The following PLCG1 variants were observed in gnomAD, a reference collection of about 807,000 sequenced individuals.
The protein encoded by PLCG1 is 1-phosphatidylinositol 4,5-bisphosphate phosphodiesterase gamma-1.
A neutral mutation model predicts 177.8 loss-of-function variants in PLCG1; 71 were observed. That is an observed-to-expected ratio of 0.40 (90% CI 0.33 to 0.49). PLCG1 has a LOEUF of 0.49. Ranked by LOEUF, PLCG1 falls within the 20% of genes least tolerant of loss-of-function variation. The pLI is 0.72. For missense variants in PLCG1, 1,281 were observed against 1,709.0 expected (o/e 0.75, Z 4.42); for synonymous variants, 658 against 647.9 (o/e 1.02, Z -0.24).
In PLCG1 at chr20:41,163,791, A is replaced by G. The variant is rs764219786; in HGVS notation, c.968A>G (p.Asn323Ser). The G allele has an allele frequency of 6.2e-6, 10 of 1,613,982 alleles. No individual in the cohort carries two copies. The South Asian group carries it at 1.1e-4, about 18-fold the overall frequency. ...GATGCAGTATGCCCGGACACCATGA[A>G]CAACCCTCTTTCCCACTACTGGATC... is the stretch of plus-strand genomic sequence containing the variant. ...QLDAVCPDTMNNPLSHYWISS... is the reference protein window; with the variant it reads ...QLDAVCPDTMSNPLSHYWISS... Residue 323 changes from asparagine (N) to serine (S), a missense_variant, in exon 10 of 32, where the codon AAC becomes AGC. Asn to Ser is a conservative substitution (Grantham distance 46). Around this residue, in one of 4 missense-constraint regions of PLCG1, gnomAD observed 374 missense variants for 443.8 expected, o/e 0.84. Coordinates refer to ENST00000685551, the MANE Select transcript of PLCG1 (RefSeq NM_002660.3). The surrounding 1 kb of genome is among the most constrained non-coding windows in gnomAD (Gnocchi z 5.2).
chr20:41,151,122 T>G lies in PLCG1; in HGVS notation c.218-8484T>G, dbSNP rs2035153966. Among the ~76,000 whole-genome samples, 1 of 152,220 alleles carries G rather than the reference T, an allele frequency of 6.6e-6. No individual in the cohort carries two copies. The highest frequency in any genetic ancestry group is 1.5e-5 in the Non-Finnish European group (1 of 68,038). The stretch of plus-strand genomic sequence containing the variant: ...GGGACCTCCTTTCCCTTCCTTCCTT[T>G]GGATTCTGTTCTTACCTCTGAAATA... On this transcript the variant is annotated intron_variant, in intron 1 of 31. Transcript: ENST00000685551. The surrounding 1 kb of genome is among the most constrained non-coding windows in gnomAD (Gnocchi z 5.5).
chr20:41,173,764 C>T lies in PLCG1; in HGVS notation c.3507C>T (p.Asp1169=). The T allele has an allele frequency of 6.2e-7, 1 of 1,614,128 alleles. No homozygotes were observed. The highest frequency in any genetic ancestry group is 1.7e-4 in the Middle Eastern group (1 of 6,060). The part of the protein sequence containing the change: ...FVVYEEDMFS[D]QNFLAQATFP... ...TGTATGAGGAAGACATGTTTAGTGA[C>T]CAGAATTTCCTGGCTCAGGCTACTT... Residue 1169 remains aspartate, a synonymous_variant, in exon 29 of 32, where the codon GAC becomes GAT. Coordinates refer to ENST00000685551, the MANE Select transcript of PLCG1 (RefSeq NM_002660.3). The surrounding 1 kb of genome is among the most constrained non-coding windows in gnomAD (Gnocchi z 6.2).
In PLCG1 at chr20:41,167,565, C is replaced by G. The variant is rs1220098585; in HGVS notation, c.2302-287C>G. 1.2e-5 allele frequency: 5 copies of G among 433,570 alleles called. No homozygotes were observed. The highest frequency in any genetic ancestry group is 2.0e-5 in the African/African-American group (1 of 50,000). 26.9% of individuals were successfully genotyped at this position (433,570 alleles called of 1,614,324 possible). A position where few individuals can be genotyped will look rare whatever the true frequency, so the allele number is the denominator to read the frequency against. On this transcript the variant is annotated intron_variant, in intron 19 of 31. Transcript: ENST00000685551. The surrounding 1 kb of genome is among the most constrained non-coding windows in gnomAD (Gnocchi z 4.4). The stretch of plus-strand genomic sequence containing the variant: ...CTGAATATGGGTAGTCTGTGAAGGG[C>G]CCACCTGCACATAGCTCAGAAATAC...
Position 41,169,579 on chromosome 20 carries a change from T to A in PLCG1, c.2650+53T>A, listed in dbSNP as rs575041281. ...ACTGTTCCCTAGGGTGAGATTCTTC[T>A]TTGTATCTCTTTCCTGCTCCTAGGG... On this transcript the variant is annotated intron_variant, in intron 23 of 31. Coordinates refer to ENST00000685551, the MANE Select transcript of PLCG1 (RefSeq NM_002660.3). 6 of 1,352,540 alleles carry A rather than the reference T, an allele frequency of 4.4e-6. No individual in the cohort carries two copies. In the East Asian group the frequency reaches 1.4e-4, roughly 31 times the overall value. The allele number at this position is 1,352,540 out of a possible 1,614,324, so 83.8% of individuals were successfully genotyped here.
In PLCG1 at chr20:41,166,053, TGCCCACACCTGAGCTCCTCAGGAGA is replaced by T; in HGVS notation, c.1800-140_1800-116del. 12 of 627,870 alleles carry T rather than the reference TGCCCACACCTGAGCTCCTCAGGAGA, an allele frequency of 1.9e-5. No individual in the cohort carries two copies. Among genetic ancestry groups the T allele is most frequent in the Admixed American group, 3.0e-5 (1 of 32,808 alleles). 38.9% of individuals were successfully genotyped at this position (627,870 alleles called of 1,614,324 possible). ...AGCCCACACCTTTGGTTCATGTGAC[TGCCCACACCTGAGCTCCTCAGGAGA>T]TTGGCCTCCCTCCTTGAGGCTCCCT... is the stretch of plus-strand genomic sequence containing the variant. On this transcript the variant is annotated intron_variant, in intron 16 of 31. Transcript: ENST00000685551. The surrounding 1 kb of genome is among the most constrained non-coding windows in gnomAD (Gnocchi z 8.6).
At position 41,137,661 on chromosome 20, in the gene PLCG1, C is replaced by G. The variant is rs1370900408; in HGVS notation, c.20C>G (p.Pro7Arg). MAGAAS[P>R]CANGCGPGAP... ...GGAGCCATGGCGGGCGCCGCGTCCC[C>G]TTGCGCCAACGGCTGCGGGCCCGGC... Residue 7 changes from proline (P) to arginine (R), a missense_variant, in exon 1 of 32, where the codon CCT (proline) becomes CGT (arginine). By Grantham distance (103) the Pro-to-Arg change is moderately radical. This residue lies in a region of PLCG1 where 374 missense variants were observed against 443.8 expected (regional missense o/e 0.84). Transcript: ENST00000685551. This position sits in a 1 kb window ranked among gnomAD's most constrained non-coding sequence, Gnocchi z 7.3. 22 of 1,321,200 alleles carry G rather than the reference C, an allele frequency of 1.7e-5. No individual in the cohort carries two copies. The highest frequency in any genetic ancestry group is 1.9e-5 in the Non-Finnish European group (20 of 1,035,490). The allele number at this position is 1,321,200 out of a possible 1,614,324, so 81.8% of individuals were successfully genotyped here. A position where few individuals can be genotyped will look rare whatever the true frequency, so the allele number is the denominator to read the frequency against.
chr20:41,174,535 A>G lies in PLCG1; in HGVS notation c.*26A>G, dbSNP rs747042924. 2.9e-5 allele frequency: 46 copies of G among 1,571,468 alleles called. No homozygotes were observed. Among genetic ancestry groups the G allele is most frequent in the Non-Finnish European group, 3.8e-5 (44 of 1,157,008 alleles). On this transcript the variant is annotated 3_prime_UTR_variant, in exon 32 of 32. Coordinates refer to ENST00000685551, the MANE Select transcript of PLCG1 (RefSeq NM_002660.3). The surrounding 1 kb of genome is among the most constrained non-coding windows in gnomAD (Gnocchi z 5.8). ...TTGTACCCCAGCCTCGTTGGAGAGCAGCAGGTGCTGTGCGCCTTGTAGAAT... is the reference window on the plus strand; with the variant it reads ...TTGTACCCCAGCCTCGTTGGAGAGCGGCAGGTGCTGTGCGCCTTGTAGAAT...
At position 41,160,264 on chromosome 20, in the gene PLCG1, G is replaced by T. The variant is rs2035454187; in HGVS notation, c.512+111G>T. 1 of 948,396 alleles carries T rather than the reference G, an allele frequency of 1.1e-6. No individual in the cohort carries two copies. Among genetic ancestry groups the T allele is most frequent in the Non-Finnish European group, 1.7e-6 (1 of 592,760 alleles). 58.7% of individuals were successfully genotyped at this position (948,396 alleles called of 1,614,324 possible). A position where few individuals can be genotyped will look rare whatever the true frequency, so the allele number is the denominator to read the frequency against. On this transcript the variant is annotated intron_variant, in intron 4 of 31. Coordinates refer to ENST00000685551, the MANE Select transcript of PLCG1 (RefSeq NM_002660.3). This position sits in a 1 kb window ranked among gnomAD's most constrained non-coding sequence, Gnocchi z 5.5. ...AGCCAGAGGACCCAGGGGACCTTAA[G>T]TGGGGCCAGGAGGGTGGGCAGAAGG...
Position 41,172,787 on chromosome 20 carries a change from G to A in PLCG1, c.3189G>A (p.Val1063=), listed in dbSNP as rs375329950. 7.4e-6 allele frequency: 12 copies of A among 1,614,056 alleles called. No homozygotes were observed. Among genetic ancestry groups the A allele is most frequent in the Non-Finnish European group, 8.5e-6 (10 of 1,180,036 alleles). ...TGACGGGCAGGCACTGTGGCTACGT[G>A]CTGCAGCCAAGCACCATGCGGGATG... ...LFMTGRHCGY[V]LQPSTMRDEA... The change falls in exon 27 of 32, where the codon GTG becomes GTA. Residue 1063 remains valine, a synonymous_variant. Coordinates refer to ENST00000685551, the MANE Select transcript of PLCG1 (RefSeq NM_002660.3). The surrounding 1 kb of genome is among the most constrained non-coding windows in gnomAD (Gnocchi z 7.0).
Position 41,172,453 on chromosome 20 carries a change from A to G in PLCG1, c.2938A>G (p.Met980Val). 1 of 1,614,166 alleles carries G rather than the reference A, an allele frequency of 6.2e-7. No homozygotes were observed. The highest frequency in any genetic ancestry group is 8.5e-7 in the Non-Finnish European group (1 of 1,180,008). Residue 980 changes from methionine (M) to valine (V), a missense_variant, in exon 26 of 32, where the codon ATG becomes GTG. Physicochemically the swap from Met to Val is conservative, Grantham distance 21 (BLOSUM62 1). Coordinates refer to ENST00000685551, the MANE Select transcript of PLCG1 (RefSeq NM_002660.3). This position sits in a 1 kb window ranked among gnomAD's most constrained non-coding sequence, Gnocchi z 7.0. ...CACAGAACGTGCTTGCTACCGGGAC[A>G]TGTCATCCTTCCCGGAAACCAAGGC... ...IGTERACYRDMSSFPETKAEK... is the reference protein window; with the variant it reads ...IGTERACYRDVSSFPETKAEK...
chr20:41,159,679 A>T lies in PLCG1; in HGVS notation c.291A>T (p.Pro97=), dbSNP rs1225696774. 9.9e-6 allele frequency: 16 copies of T among 1,614,278 alleles called. No homozygotes were observed. Among genetic ancestry groups the T allele is most frequent in the Non-Finnish European group, 1.2e-5 (14 of 1,180,056 alleles). The change falls in exon 2 of 32, where the codon CCA becomes CCT. Residue 97 remains proline (P), a synonymous_variant. Coordinates refer to ENST00000685551, the MANE Select transcript of PLCG1 (RefSeq NM_002660.3). The surrounding 1 kb of genome is among the most constrained non-coding windows in gnomAD (Gnocchi z 6.0). ...ACTTTGATCGCTATCAAGAGGACCC[A>T]GCTTTCCGGCCGGACCAGTCACATT... is the stretch of plus-strand genomic sequence containing the variant. ...SRDFDRYQED[P]AFRPDQSHCF...
chr20:41,170,404 C>A, intron 24 of PLCG1, 135 bp downstream of exon 24: 1 of 806,704 alleles, frequency 1.2e-6, no homozygotes, highest in Non-Finnish European at 2.0e-6. Flanking sequence ...ACAGCCCCTG[C>A]CTTAGCTAGG....
Position 41,174,335 on chromosome 20 carries a change from G to C in PLCG1, c.3833+24G>C. The C allele has an allele frequency of 6.2e-7, 1 of 1,609,344 alleles. No individual in the cohort carries two copies. Among genetic ancestry groups the C allele is most frequent in the Non-Finnish European group, 8.5e-7 (1 of 1,175,840 alleles). On this transcript the variant is annotated intron_variant, in intron 31 of 31. Coordinates refer to ENST00000685551, the MANE Select transcript of PLCG1 (RefSeq NM_002660.3). The surrounding 1 kb of genome is among the most constrained non-coding windows in gnomAD (Gnocchi z 5.8). ...AGGTGAGGAAGATGGAGGGGTGCTA[G>C]AGCCAGGAAGGCAGTGGCTAGGTCC... is the stretch of plus-strand genomic sequence containing the variant.
chr20:41,172,100 C>T lies in PLCG1; in HGVS notation c.2809-93C>T. 1 of 908,702 alleles carries T rather than the reference C, an allele frequency of 1.1e-6. No homozygotes were observed. The highest frequency in any genetic ancestry group is 1.3e-5 in the South Asian group (1 of 76,730). 56.3% of individuals were successfully genotyped at this position (908,702 alleles called of 1,614,324 possible). On this transcript the variant is annotated intron_variant, in intron 24 of 31. Coordinates refer to ENST00000685551, the MANE Select transcript of PLCG1 (RefSeq NM_002660.3). The surrounding 1 kb of genome is among the most constrained non-coding windows in gnomAD (Gnocchi z 7.0). ...GAAGGTGGGAGAGGGGCCCAGAGCA[C>T]CTGCAGTGTGGGCATGCCCAAGGTT...
In PLCG1 at chr20:41,167,089, T is replaced by C. The variant is rs558171770; in HGVS notation, c.2301+230T>C. Among the ~76,000 whole-genome samples, 151 of 152,212 alleles carry C rather than the reference T, an allele frequency of 9.9e-4. 1 individual carries two copies. The highest frequency in any genetic ancestry group is 3.3e-3 in the African/African-American group (137 of 41,532). ...GACAGGCACATAAGCAGAGGGTTCC[T>C]CATGAGTCAAGATGTGGAGTGAGGA... On this transcript the variant is annotated intron_variant, in intron 19 of 31. Transcript: ENST00000685551. This position sits in a 1 kb window ranked among gnomAD's most constrained non-coding sequence, Gnocchi z 4.4.
rs185075921 is a variant in PLCG1, at chr20:41,167,687, G to A, written c.2302-165G>A. Reference sequence around the variant, plus strand: ...AGAAAGGAAAGGGAACAGTGAGGCCGGGCCTGAGGCCTCTGAAGCCGTCTC... The same window carrying A: ...AGAAAGGAAAGGGAACAGTGAGGCCAGGCCTGAGGCCTCTGAAGCCGTCTC... On this transcript the variant is annotated intron_variant, in intron 19 of 31. Transcript: ENST00000685551. This position sits in a 1 kb window ranked among gnomAD's most constrained non-coding sequence, Gnocchi z 4.4. 4.9e-5 allele frequency: 30 copies of A among 611,074 alleles called. No homozygotes were observed. Among genetic ancestry groups the A allele is most frequent in the African/African-American group, 4.8e-4 (26 of 54,028 alleles). The allele number at this position is 611,074 out of a possible 1,614,324, so 37.9% of individuals were successfully genotyped here.
At chr20:41,152,457 C>T (rs769440509) in intron 1 of PLCG1, among the ~76,000 whole-genome samples, 1 of 152,232 alleles carries the variant, frequency 6.6e-6, no homozygotes, top group Non-Finnish European at 1.5e-5. Flanking sequence ...TTTCTGTTCC[C>T]GTTGTTACCT....
chr20:41,166,897 G>T lies in PLCG1; in HGVS notation c.2301+38G>T, dbSNP rs780916153. 2.5e-6 allele frequency: 4 copies of T among 1,582,244 alleles called. No homozygotes were observed. The highest frequency in any genetic ancestry group is 3.5e-6 in the Non-Finnish European group (4 of 1,151,946). On this transcript the variant is annotated intron_variant, in intron 19 of 31. Transcript: ENST00000685551. The surrounding 1 kb of genome is among the most constrained non-coding windows in gnomAD (Gnocchi z 8.6). ...TGGTAGACGGGGCATGGCAGGGGAGGCAGGAGAGACCCAGAATCTTACCAG... is the reference window on the plus strand; with the variant it reads ...TGGTAGACGGGGCATGGCAGGGGAGTCAGGAGAGACCCAGAATCTTACCAG...
intron 1 of PLCG1, among the ~76,000 whole-genome samples, chr20:41,139,381 A>G (rs956430683): frequency 2.6e-5 from 4 of 152,162 alleles, no homozygotes; most frequent in Non-Finnish European, 4.4e-5. Flanking sequence ...CTTACTCCCT[A>G]TGCTGTGTTG....
Sources: allele counts gnomAD v4.1 joint callset (sites outside exome capture counted in the v4.1 genomes callset), GRCh38; gene constraint gnomAD v4.1.1; regional missense constraint gnomAD v4.1.1; non-coding constraint Gnocchi (gnomAD v3.1); transcripts MANE v1.5; gene names NCBI Gene and HGNC (gene_info 2026-07-23, HGNC 2026-07-21).